ADAM23: variants seen among roughly 807,000 people sequenced by gnomAD.
ADAM23 encodes the protein disintegrin and metalloproteinase domain-containing protein 23.
A neutral mutation model predicts 120.1 loss-of-function variants in ADAM23; 33 were observed. That is an observed-to-expected ratio of 0.27 (90% CI 0.21 to 0.37). The LOEUF is 0.37. Ranked by LOEUF, ADAM23 falls within the 10% of genes least tolerant of loss-of-function variation. ADAM23 has a pLI of 1.00. For missense variants in ADAM23, 862 were observed against 1,058.2 expected, an observed-to-expected ratio of 0.81 and a Z score of 2.57; for synonymous variants, 367 against 375.2, an observed-to-expected ratio of 0.98 and a Z score of 0.25.
intron 2 of ADAM23, among the ~76,000 whole-genome samples, chr2:206,478,844 C>A (rs1443457832): frequency 1.3e-5 from 2 of 152,138 alleles, no homozygotes; most frequent in African/African-American, 4.8e-5. Context: ...CTTTCTCTGA[C>A]ACGTGGATTC....
At chr2:206,591,989 G>C (rs1378567490) in intron 21 of ADAM23, among the ~76,000 whole-genome samples, 1 of 151,974 alleles carries the variant, frequency 6.6e-6, no homozygotes, top group African/African-American at 2.4e-5. Context: ...CCATTTTTTA[G>C]GAGTCATTGT....
At chr2:206,566,493 G>A (rs1288431964) in intron 14 of ADAM23, among the ~76,000 whole-genome samples, 1 of 152,038 alleles carries the variant, frequency 6.6e-6, no homozygotes, top group Admixed American at 6.5e-5. Flanking sequence ...CTAACCATGT[G>A]TATAATATTC....
chr2:206,573,815 C>CTT (rs200245843), intron 18 of ADAM23, among the ~76,000 whole-genome samples: 2 of 143,862 alleles, frequency 1.4e-5, no homozygotes, highest in Non-Finnish European at 3.1e-5. Context: ...ATGTATTTTA[C>CTT]TTTTTTTTTT....
chr2:206,570,209 G>A (rs1166801324), intron 15 of ADAM23, among the ~76,000 whole-genome samples: 1 of 152,106 alleles, frequency 6.6e-6, no homozygotes. Flanking sequence ...AGACACTTGA[G>A]ATTTCTTTTC....
At chr2:206,528,991 C>T (rs1266433336) in intron 3 of ADAM23, among the ~76,000 whole-genome samples, 1 of 152,006 alleles carries the variant, frequency 6.6e-6, no homozygotes, top group African/African-American at 2.4e-5. Context: ...GTGATAGAGC[C>T]CAAACAGGAA....
intron 4 of ADAM23, among the ~76,000 whole-genome samples, chr2:206,539,519 A>G (rs1404572832): frequency 6.6e-6 from 1 of 152,192 alleles, no homozygotes; most frequent in East Asian, 1.9e-4. Flanking sequence ...TGTTATTTTT[A>G]GAAGAGCCTT....
At chr2:206,450,106 G>A (rs1265956786) in intron 2 of ADAM23, among the ~76,000 whole-genome samples, 1 of 152,132 alleles carries the variant, frequency 6.6e-6, no homozygotes, top group Non-Finnish European at 1.5e-5. Context: ...AACAGAAAGA[G>A]GAACATAGGA....
chr2:206,470,248 C>T (rs1054321661), intron 2 of ADAM23, among the ~76,000 whole-genome samples: 2 of 151,910 alleles, frequency 1.3e-5, no homozygotes, highest in South Asian at 4.2e-4. Context: ...ACATAATAGA[C>T]ATATTCTATT....
At chr2:206,468,770 A>C (rs1695593331) in intron 2 of ADAM23, among the ~76,000 whole-genome samples, 3 of 152,160 alleles carry the variant, frequency 2.0e-5, no homozygotes, top group African/African-American at 7.2e-5. Context: ...CATTGCAATA[A>C]AAAAATACCT....
chr2:206,476,535 G>A (rs185263370), intron 2 of ADAM23, among the ~76,000 whole-genome samples: 335 of 152,206 alleles, frequency 2.2e-3, no homozygotes, highest in African/African-American at 7.3e-3. Context: ...TGAACTGCAC[G>A]TGCGATGGAT....
At chr2:206,497,551 G>T (rs1182224058) in intron 3 of ADAM23, among the ~76,000 whole-genome samples, 1 of 152,136 alleles carries the variant, frequency 6.6e-6, no homozygotes, top group Non-Finnish European at 1.5e-5. Flanking sequence ...ATATCATACT[G>T]AATGGACAAA....
At chr2:206,524,428 A>G (rs1317454953) in intron 3 of ADAM23, among the ~76,000 whole-genome samples, 1 of 152,182 alleles carries the variant, frequency 6.6e-6, no homozygotes, top group Non-Finnish European at 1.5e-5. Flanking sequence ...CCACCTACTG[A>G]TGTTATGCAC....
At chr2:206,522,090 A>G (rs1320297137) in intron 3 of ADAM23, among the ~76,000 whole-genome samples, 2 of 151,908 alleles carry the variant, frequency 1.3e-5, no homozygotes, top group African/African-American at 4.8e-5. Context: ...GTTTATTTAA[A>G]TCCAAGTTTA....
chr2:206,506,159 A>T (rs897680259), intron 3 of ADAM23, among the ~76,000 whole-genome samples: 3 of 152,228 alleles, frequency 2.0e-5, no homozygotes, highest in South Asian at 2.1e-4. Context: ...ACCAGATTTC[A>T]TGAAATTTCT....
chr2:206,560,258 A>C, intron 11 of ADAM23, 140 bp downstream of exon 11: 2 of 883,704 alleles, frequency 2.3e-6, no homozygotes, highest in Non-Finnish European at 3.3e-6. Context: ...TTAGATAAGA[A>C]GCATGGAGTT....
intron 1 of ADAM23, 129 bp downstream of exon 1, chr2:206,444,209 T>G: frequency 1.5e-6 from 1 of 670,660 alleles, no homozygotes; most frequent in Non-Finnish European, 2.1e-6. Flanking sequence ...CCTGCCTGTC[T>G]TTCCACCCTT....
chr2:206,477,348 A>G (rs1015241588), intron 2 of ADAM23, among the ~76,000 whole-genome samples: 3 of 152,160 alleles, frequency 2.0e-5, no homozygotes, highest in Admixed American at 2.0e-4. Flanking sequence ...TTCTTTTCAG[A>G]GCTCCTGTAA....
intron 8 of ADAM23, among the ~76,000 whole-genome samples, chr2:206,548,609 GCT>G (rs1271880185): frequency 2.6e-5 from 4 of 152,112 alleles, no homozygotes; most frequent in Non-Finnish European, 5.9e-5. Context: ...TGTTGTTTTA[GCT>G]CTGTTTTCTA....
At chr2:206,470,652 G>A (rs961221505) in intron 2 of ADAM23, among the ~76,000 whole-genome samples, 2 of 152,130 alleles carry the variant, frequency 1.3e-5, no homozygotes, top group African/African-American at 4.8e-5. Context: ...GAAGTCTACT[G>A]GCACCTGCAT....
Sources: gnomAD v4.1 joint callset for allele counts (sites outside exome capture counted in the v4.1 genomes callset) on GRCh38, gnomAD v4.1.1 for gene constraint, MANE v1.5 for transcripts, NCBI Gene and HGNC (gene_info 2026-07-23, HGNC 2026-07-21) for gene names.